THAP6: variants seen among roughly 807,000 people sequenced by gnomAD.
THAP6 encodes THAP domain-containing protein 6.
In THAP6, 13 loss-of-function variants were observed where a neutral mutation model predicts 20.0. The ratio of observed to expected loss-of-function variants is 0.65; its 90% CI spans 0.42 to 1.03. THAP6 has a LOEUF of 1.03. Among genes scored for constraint, THAP6 ranks in the 50% least tolerant of loss-of-function variants. THAP6 has a pLI of 0.00. For synonymous variants in THAP6, 93 were observed against 92.2 expected, an observed-to-expected ratio of 1.01 and a Z score of -0.05; for missense variants, 262 against 261.6, an observed-to-expected ratio of 1.00 and a Z score of -0.01.
Position 75,539,806 on chromosome 4 carries a change from T to C in THAP6, c.166-2603T>C, listed in dbSNP as rs1445579468. 2.6e-6 allele frequency: 4 copies of C among 1,534,944 alleles called. No individual in the cohort carries two copies. The African/African-American group carries it at 4.1e-5, about 16-fold the overall frequency. ...TGCGTATAAAACGTAGACCATACAA[T>C]GAGCCATCCACATACTGTTTTTCTT... is the stretch of plus-strand genomic sequence containing the variant. On this transcript the variant is annotated intron_variant, in intron 2 of 4. Transcript: ENST00000502620.
At chr4:75,515,904 G>A (rs983290213) in intron 2 of THAP6, among the ~76,000 whole-genome samples, 1 of 152,232 alleles carries the variant, frequency 6.6e-6, no homozygotes, top group African/African-American at 2.4e-5. Context: ...AGTAGATCAA[G>A]CATAGGTTAT....
chr4:75,529,929 A>G lies in THAP6; in HGVS notation c.*2715A>G, dbSNP rs1726620564. 1.1e-6 allele frequency: 1 copy of G among 881,970 alleles called. No individual in the cohort carries two copies. The highest frequency in any genetic ancestry group is 1.8e-5 in the African/African-American group (1 of 55,284). 54.6% of individuals were successfully genotyped at this position (881,970 alleles called of 1,614,324 possible). A position where few individuals can be genotyped will look rare whatever the true frequency, so the allele number is the denominator to read the frequency against. Reference sequence around the variant, plus strand: ...AAAAGGTGAAATGTATTTAATATATATTTAGTTTTAATAAAAAGATAAAAT... The same window carrying G: ...AAAAGGTGAAATGTATTTAATATATGTTTAGTTTTAATAAAAAGATAAAAT... On this transcript the variant is annotated 3_prime_UTR_variant, in exon 5 of 5. Transcript: ENST00000311638.
chr4:75,545,789 C>G (rs527618972), intron 3 of THAP6, among the ~76,000 whole-genome samples: 2 of 152,354 alleles, frequency 1.3e-5, no homozygotes, highest in East Asian at 1.9e-4. Flanking sequence ...ATTGGACTTA[C>G]CAGCAGCTCA....
At chr4:75,515,191 G>T (rs1348862701) in intron 1 of THAP6, among the ~76,000 whole-genome samples, 1 of 152,168 alleles carries the variant, frequency 6.6e-6, no homozygotes, top group Non-Finnish European at 1.5e-5. Context: ...TTAGAAGGTG[G>T]AAGGAAAATG....
At position 75,528,694 on chromosome 4, in the gene THAP6, A is replaced by T. The variant is rs894918412; in HGVS notation, c.*1480A>T. On this transcript the variant is annotated 3_prime_UTR_variant, in exon 5 of 5. Coordinates refer to ENST00000311638, the MANE Select transcript of THAP6 (RefSeq NM_144721.6). ...ACATCTGCGAGATCAGCGTTATGCTAAGAGGAAATCACTGAGGCCATATCT... is the reference window on the plus strand; with the variant it reads ...ACATCTGCGAGATCAGCGTTATGCTTAGAGGAAATCACTGAGGCCATATCT... 1 of 984,946 alleles carries T rather than the reference A, an allele frequency of 1.0e-6. No individual in the cohort carries two copies. Among genetic ancestry groups the T allele is most frequent in the Non-Finnish European group, 1.2e-6 (1 of 829,730 alleles). 61.0% of individuals were successfully genotyped at this position (984,946 alleles called of 1,614,324 possible). A position where few individuals can be genotyped will look rare whatever the true frequency, so the allele number is the denominator to read the frequency against.
chr4:75,514,629 C>T (rs1560537384), intron 1 of THAP6, 109 bp downstream of exon 1: 1 of 224,718 alleles, frequency 4.5e-6, no homozygotes, highest in Non-Finnish European at 8.9e-6. Flanking sequence ...TGGTTGGCCC[C>T]AGAGGAAAGG....
In THAP6 at chr4:75,530,023, G is replaced by A. The variant is rs1463417626; in HGVS notation, c.*2809G>A. ...TTTGAAAAATAAAACATTTTATCCAGTAATGTGTTATGTGGTTTTATACAT... is the reference window on the plus strand; with the variant it reads ...TTTGAAAAATAAAACATTTTATCCAATAATGTGTTATGTGGTTTTATACAT... On this transcript the variant is annotated 3_prime_UTR_variant, in exon 5 of 5. Coordinates refer to ENST00000311638, the MANE Select transcript of THAP6 (RefSeq NM_144721.6). 24 of 966,266 alleles carry A rather than the reference G, an allele frequency of 2.5e-5. No homozygotes were observed. Among genetic ancestry groups the A allele is most frequent in the Non-Finnish European group, 2.5e-5 (20 of 812,648 alleles). 59.9% of individuals were successfully genotyped at this position (966,266 alleles called of 1,614,324 possible). A position where few individuals can be genotyped will look rare whatever the true frequency, so the allele number is the denominator to read the frequency against.
chr4:75,537,501 C>CT (rs1726894253), intron 2 of THAP6, among the ~76,000 whole-genome samples: 1 of 152,108 alleles, frequency 6.6e-6, no homozygotes. Context: ...CCACCATCCT[C>CT]TTAAGATGCG....
At chr4:75,520,045 AT>A (rs2148810613) in intron 3 of THAP6, among the ~76,000 whole-genome samples, 1 of 151,840 alleles carries the variant, frequency 6.6e-6, no homozygotes, top group East Asian at 1.9e-4. Context: ...ATGGTATCTC[AT>A]TGTGGTTTTG....
intron 2 of THAP6, chr4:75,539,877 C>A: frequency 6.5e-7 from 1 of 1,535,850 alleles, no homozygotes; most frequent in African/African-American, 1.4e-5. Context: ...GAAAAGGAAA[C>A]AAGAACAGGA....
chr4:75,536,151 G>A (rs1726846241), intron 2 of THAP6, among the ~76,000 whole-genome samples: 2 of 152,158 alleles, frequency 1.3e-5, no homozygotes, highest in African/African-American at 4.8e-5. Context: ...AAAAGGCAGG[G>A]ATTGTGAGAC....
intron 4 of THAP6, among the ~76,000 whole-genome samples, chr4:75,524,005 C>T (rs1028533774): frequency 1.3e-5 from 2 of 152,096 alleles, no homozygotes; most frequent in East Asian, 1.9e-4. Context: ...TTACCAGCAC[C>T]GTTTATTGAA....
chr4:75,532,536 G>A (rs1170118183), downstream of THAP6, among the ~76,000 whole-genome samples: 1 of 152,212 alleles, frequency 6.6e-6, no homozygotes, highest in East Asian at 1.9e-4. Flanking sequence ...CCACTAGGCA[G>A]TGCCCAGTAG....
chr4:75,542,353 T>C, intron 2 of THAP6: 1 of 693,026 alleles, frequency 1.4e-6, no homozygotes, highest in South Asian at 1.5e-5. Context: ...CATGCTCTAA[T>C]AGAGCTGATC....
intron 2 of THAP6, among the ~76,000 whole-genome samples, chr4:75,539,687 T>G (rs1726954018): frequency 6.6e-6 from 1 of 152,194 alleles, no homozygotes; most frequent in Admixed American, 6.5e-5. Flanking sequence ...CACTTCATTA[T>G]ATATGGGAAG....
At chr4:75,523,891 G>C (rs937092406) in intron 4 of THAP6, among the ~76,000 whole-genome samples, 1 of 151,382 alleles carries the variant, frequency 6.6e-6, no homozygotes, top group Admixed American at 6.6e-5. Context: ...TCGTTTCATA[G>C]TTTGAGGTCT....
At position 75,529,600 on chromosome 4, in the gene THAP6, T is replaced by C; in HGVS notation, c.*2386T>C. 2.0e-6 allele frequency: 2 copies of C among 985,432 alleles called. No homozygotes were observed. Among genetic ancestry groups the C allele is most frequent in the Non-Finnish European group, 2.4e-6 (2 of 829,936 alleles). 61.0% of individuals were successfully genotyped at this position (985,432 alleles called of 1,614,324 possible). Reference sequence around the variant, plus strand: ...CTAAACACAGTATGTATCTCAGTCCTCTGTTCCCAGAGATTCCACCCTAGC... The same window carrying C: ...CTAAACACAGTATGTATCTCAGTCCCCTGTTCCCAGAGATTCCACCCTAGC... On this transcript the variant is annotated 3_prime_UTR_variant, in exon 5 of 5. Transcript: ENST00000311638.
rs1245176092 is a variant in THAP6, at chr4:75,527,970, AT to A, written c.*759del. On this transcript the variant is annotated 3_prime_UTR_variant, in exon 5 of 5. Transcript: ENST00000311638. ...GATCTGAACACTTTGCTTCATGACTATTTCGTCATAAAGGTATATGTTTAAA... is the reference window on the plus strand; with the variant it reads ...GATCTGAACACTTTGCTTCATGACTATTCGTCATAAAGGTATATGTTTAAA... 1.0e-6 allele frequency: 1 copy of A among 985,276 alleles called. No homozygotes were observed. Among genetic ancestry groups the A allele is most frequent in the Admixed American group, 6.1e-5 (1 of 16,272 alleles). The allele number at this position is 985,276 out of a possible 1,614,324, so 61.0% of individuals were successfully genotyped here. A position where few individuals can be genotyped will look rare whatever the true frequency, so the allele number is the denominator to read the frequency against.
intron 4 of THAP6, chr4:75,522,440 C>CA (rs1329719014): frequency 2.6e-5 from 4 of 152,080 alleles, no homozygotes; most frequent in African/African-American, 9.7e-5. Flanking sequence ...TTTTATGTTA[C>CA]AAAAAATCCA....
Sources: allele counts gnomAD v4.1 joint callset (sites outside exome capture counted in the v4.1 genomes callset), GRCh38; gene constraint gnomAD v4.1.1; transcripts MANE v1.5; gene names NCBI Gene and HGNC (gene_info 2026-07-23, HGNC 2026-07-21).